Variants in GPAT3 observed in about 807,000 individuals in gnomAD.
GPAT3 encodes 1-AGP acyltransferase 9.
GPAT3 carries 53 observed loss-of-function variants against 58.8 expected under a neutral mutation model. The ratio of observed to expected loss-of-function variants is 0.90; its 90% confidence interval spans 0.72 to 1.13. The LOEUF (loss-of-function observed/expected upper bound fraction) is 1.13, where lower values mean the gene tolerates loss of function less well. Ranked by LOEUF, GPAT3 falls within the 50% of genes most tolerant of loss-of-function variation. The probability of loss-of-function intolerance (pLI) is 0.00; values close to 1 mark genes in which losing one functional copy is unlikely to be tolerated. For missense variants in GPAT3, 511 were observed against 527.6 expected, an observed-to-expected ratio of 0.97 and a Z score of 0.31; for synonymous variants, 197 against 187.4, an observed-to-expected ratio of 1.05 and a Z score of -0.42.
intron 2 of GPAT3, among the ~76,000 whole-genome samples, chr4:83,562,211 TTATATATATATATAATATATATATAA>T (rs1560611071): frequency 2.7e-5 from 2 of 73,010 alleles, no homozygotes; most frequent in East Asian, 3.1e-4. Context: ...TATATATATA[TTATATATATATATAATATATATATAA>T]TATATATATA....
intron 2 of GPAT3, among the ~76,000 whole-genome samples, chr4:83,556,655 T>C (rs918194535): frequency 3.4e-4 from 51 of 152,096 alleles, no homozygotes; most frequent in Admixed American, 2.8e-3. Flanking sequence ...ATTATGTGGC[T>C]AATATTTATA....
intron 2 of GPAT3, among the ~76,000 whole-genome samples, chr4:83,572,261 CTCTT>C (rs1468659951): frequency 6.6e-6 from 1 of 152,106 alleles, no homozygotes; most frequent in African/African-American, 2.4e-5. Context: ...GTGCCTGTCA[CTCTT>C]TATATATTGA....
intron 2 of GPAT3, among the ~76,000 whole-genome samples, chr4:83,556,584 A>G (rs1234029452): frequency 6.6e-6 from 1 of 151,378 alleles, no homozygotes; most frequent in Non-Finnish European, 1.5e-5. Context: ...GTGCTAACTG[A>G]CAATTGATTA....
At chr4:83,579,075 TTTCTTCCCTTCCTTCCTTCCTTCC>T (rs1725990788) in intron 2 of GPAT3, among the ~76,000 whole-genome samples, 1 of 19,802 alleles carries the variant, frequency 5.0e-5, no homozygotes, top group African/African-American at 2.1e-4. Flanking sequence ...TCTTTCTTTC[TTTCTTCCCTTCCTTCCTTCCTTCC>T]TTCCTTCCTT....
chr4:83,598,501 A>ATCT, intron 10 of GPAT3, 143 bp from the exon 11 acceptor site: 1 of 818,572 alleles, frequency 1.2e-6, no homozygotes, highest in Non-Finnish European at 2.0e-6. Context: ...AACAAATGAT[A>ATCT]TTTGCTATGA....
At chr4:83,578,871 TCCTTCCCTC>T (rs1196771971) in intron 2 of GPAT3, among the ~76,000 whole-genome samples, 12 of 151,738 alleles carry the variant, frequency 7.9e-5, no homozygotes, top group African/African-American at 2.4e-4. Flanking sequence ...CTTCCTTCCT[TCCTTCCCTC>T]CCTTCCCTCC....
At chr4:83,585,632 A>G (rs1467493167) in intron 3 of GPAT3, among the ~76,000 whole-genome samples, 1 of 149,736 alleles carries the variant, frequency 6.7e-6, no homozygotes, top group Non-Finnish European at 1.5e-5. Context: ...TTTTTTTGAG[A>G]CAGTCTCACT....
At chr4:83,538,160 A>C (rs1170763103) in intron 1 of GPAT3, among the ~76,000 whole-genome samples, 1 of 151,976 alleles carries the variant, frequency 6.6e-6, no homozygotes, top group Non-Finnish European at 1.5e-5. Flanking sequence ...TTCTCAGCTA[A>C]TTGGGTGGCT....
Position 83,604,930 on chromosome 4 carries a change from T to G in GPAT3, c.*163T>G, listed in dbSNP as rs1424108647. 3.3e-6 allele frequency: 2 copies of G among 598,514 alleles called. No individual in the cohort carries two copies. Among genetic ancestry groups the G allele is most frequent in the Non-Finnish European group, 5.7e-6 (2 of 351,408 alleles). The allele number at this position is 598,514 out of a possible 1,614,324, so 37.1% of individuals were successfully genotyped here. A position where few individuals can be genotyped will look rare whatever the true frequency, so the allele number is the denominator to read the frequency against. On this transcript the variant is annotated 3_prime_UTR_variant, in exon 12 of 12. Transcript: ENST00000264409. ...CAGAGGCAGAACCTACAGGTGCCCT[T>G]TTTGGCTTTTGTTGTTGTTGTAACA...
intron 1 of GPAT3, among the ~76,000 whole-genome samples, chr4:83,542,700 A>G: frequency 6.6e-6 from 1 of 152,158 alleles, no homozygotes. Flanking sequence ...TTGGCATATT[A>G]ATAAATCTGT....
At position 83,598,677 on chromosome 4, in the gene GPAT3, GT is replaced by G; in HGVS notation, c.1161del (p.Lys388SerfsTer10). Reference sequence around the variant, plus strand: ...AGATGCAGTCCAGTTTGCTAACAGGGTTAAGTCTGCTATTGCTATACAAGGA... The same window carrying G: ...AGATGCAGTCCAGTTTGCTAACAGGGTAAGTCTGCTATTGCTATACAAGGA... ...GEDAVQFANRVKSAIAIQGGL... is the reference protein window; with the variant it reads ...GEDAVQFANRXKSAIAIQGGL... On this transcript the variant is annotated frameshift_variant, in exon 11 of 12. Transcript: ENST00000264409. LOFTEE classifies it high-confidence loss of function. 1.9e-6 allele frequency: 3 copies of G among 1,549,670 alleles called. No homozygotes were observed. The highest frequency in any genetic ancestry group is 2.6e-6 in the Non-Finnish European group (3 of 1,142,700).
rs138047922 is a variant in GPAT3, at chr4:83,568,729, G to A, written c.209-12833G>A. On this transcript the variant is annotated intron_variant, in intron 2 of 11. Transcript: ENST00000264409. The stretch of plus-strand genomic sequence containing the variant: ...TCACCATGTTAACCAGGATAGGCTC[G>A]ATCTCCTGACAGGTGATCCACCCAC... Among the ~76,000 whole-genome samples, 329 of 151,974 alleles carry A rather than the reference G, an allele frequency of 2.2e-3. 4 individuals carry two copies. Among genetic ancestry groups the A allele is most frequent in the Non-Finnish European group, 6.8e-4 (46 of 67,962 alleles).
intron 2 of GPAT3, among the ~76,000 whole-genome samples, chr4:83,545,441 AT>A (rs1374222837): frequency 8.3e-6 from 1 of 120,416 alleles, no homozygotes; most frequent in East Asian, 2.1e-4. Context: ...GTGAGACCTC[AT>A]TTAAAAAAAA....
intron 2 of GPAT3, among the ~76,000 whole-genome samples, chr4:83,571,183 A>C (rs1397076695): frequency 6.6e-6 from 1 of 152,178 alleles, no homozygotes; most frequent in East Asian, 1.9e-4. Flanking sequence ...CCTTTATATA[A>C]TACCAATAGT....
At chr4:83,578,542 A>G (rs1010172236) in intron 2 of GPAT3, among the ~76,000 whole-genome samples, 1 of 152,178 alleles carries the variant, frequency 6.6e-6, no homozygotes, top group Admixed American at 6.5e-5. Flanking sequence ...GGCCCCTCTG[A>G]AAAAGGTTAT....
At chr4:83,545,401 A>C (rs1439361017) in intron 2 of GPAT3, among the ~76,000 whole-genome samples, 2 of 151,850 alleles carry the variant, frequency 1.3e-5, no homozygotes, top group African/African-American at 4.8e-5. Context: ...AGCTGTGATC[A>C]TGCCACTGCA....
At chr4:83,563,921 G>C (rs1231446389) in intron 2 of GPAT3, among the ~76,000 whole-genome samples, 1 of 152,112 alleles carries the variant, frequency 6.6e-6, no homozygotes, top group Non-Finnish European at 1.5e-5. Context: ...TTTTTTAAGA[G>C]TTGTAAGAAG....
At chr4:83,558,319 T>A (rs12331205) in intron 2 of GPAT3, among the ~76,000 whole-genome samples, 4 of 151,996 alleles carry the variant, frequency 2.6e-5, no homozygotes, top group African/African-American at 9.7e-5. Context: ...AAAATGGGAT[T>A]AAAAAAACTG....
At chr4:83,568,543 T>G (rs907601193) in intron 2 of GPAT3, among the ~76,000 whole-genome samples, 18 of 151,952 alleles carry the variant, frequency 1.2e-4, no homozygotes, top group Non-Finnish European at 2.4e-4. Flanking sequence ...AGTCTCGCTC[T>G]GTTGCCCAGG....
Sources: gnomAD v4.1 joint callset for allele counts (sites outside exome capture counted in the v4.1 genomes callset) on GRCh38, gnomAD v4.1.1 for gene constraint, MANE v1.5 for transcripts, NCBI Gene and HGNC (gene_info 2026-07-23, HGNC 2026-07-21) for gene names.